The following ARHGEF2 variants were observed in gnomAD, a reference collection of about 807,000 sequenced individuals.
The protein encoded by ARHGEF2 is Rho/Rac guanine nucleotide exchange factor 2.
A neutral mutation model predicts 121.0 loss-of-function variants in ARHGEF2; 22 were observed. The observed-to-expected ratio is 0.18, with a 90% CI of 0.13 to 0.26. ARHGEF2 has a LOEUF of 0.26. ARHGEF2 is among the 10% of genes least tolerant of loss of function. ARHGEF2 has a pLI of 1.00. For synonymous variants in ARHGEF2, 487 were observed against 530.0 expected (o/e 0.92, Z 1.11); for missense variants, 907 against 1,336.0 (o/e 0.68, Z 5.01).
chr1:155,964,180 A>ATTTG (rs1349746641), intron 7 of ARHGEF2, among the ~76,000 whole-genome samples: 1 of 101,578 alleles, frequency 9.8e-6, no homozygotes, highest in Non-Finnish European at 1.8e-5. Context: ...ATATATATAT[A>ATTTG]TATATATATA....
At position 155,950,608 on chromosome 1, in the gene ARHGEF2, C is replaced by A; in HGVS notation, c.2704-126G>T. On this transcript the variant is annotated intron_variant, in intron 20 of 21. Transcript: ENST00000361247. This position sits in a 1 kb window ranked among gnomAD's most constrained non-coding sequence, Gnocchi z 5.2. ...CACCCATGAGTCCCCTTCAGGAGATCCACCACCAACTGGCCTCTTTCAGCA... is the reference window on the plus strand; with the variant it reads ...CACCCATGAGTCCCCTTCAGGAGATACACCACCAACTGGCCTCTTTCAGCA... The A allele has an allele frequency of 1.9e-6, 2 of 1,063,286 alleles. No homozygotes were observed. The highest frequency in any genetic ancestry group is 3.0e-5 in the South Asian group (2 of 67,616). The allele number at this position is 1,063,286 out of a possible 1,614,324, so 65.9% of individuals were successfully genotyped here. A position where few individuals can be genotyped will look rare whatever the true frequency, so the allele number is the denominator to read the frequency against.
At position 155,960,766 on chromosome 1, in the gene ARHGEF2, C is replaced by T. The variant is rs147691236; in HGVS notation, c.1468+895G>A. ...TCAGGCAGGCTTTGGCCTCAGGTAT[C>T]ACAGTTTCCTATTGTCCCTCACATC... On this transcript the variant is annotated intron_variant, in intron 11 of 21. Coordinates refer to ENST00000361247, the MANE Select transcript of ARHGEF2 (RefSeq NM_001162383.2). Among the ~76,000 whole-genome samples, 1,217 of 152,306 alleles carry T rather than the reference C, an allele frequency of 8.0e-3. 16 individuals are homozygous for T. The highest frequency in any genetic ancestry group is 0.028 in the African/African-American group (1,163 of 41,556).
chr1:155,971,172 A>C, intron 1 of ARHGEF2: 1 of 935,848 alleles, frequency 1.1e-6, no homozygotes, highest in Non-Finnish European at 1.3e-6. Flanking sequence ...CAAACCTCTA[A>C]AATGTTCTGG....
rs769408592 is a variant in ARHGEF2 at position 155,951,126 on chromosome 1, C to T, written c.2406G>A (p.Thr802=). 4.6e-5 allele frequency: 73 copies of T among 1,604,370 alleles called. No homozygotes were observed. The highest frequency in any genetic ancestry group is 1.3e-4 in the South Asian group (12 of 90,122). The change falls in exon 20 of 22, where the codon ACG becomes ACA. Residue 802 remains threonine (T), a synonymous_variant. Transcript: ENST00000361247. The surrounding 1 kb of genome is among the most constrained non-coding windows in gnomAD (Gnocchi z 5.1). ...GTTGCCGCTGCAGTAATGCCAGTTC[C>T]GTGGCCTGCTTTTCAGGGGCCACAG... The part of the protein sequence containing the change: ...AAPVAPEKQA[T]ELALLQRQHA...
At position 155,978,356 on chromosome 1, in the gene ARHGEF2, C is replaced by G. The variant is rs768456334; in HGVS notation, c.63+9G>C. 2.0e-6 allele frequency: 3 copies of G among 1,507,356 alleles called. No homozygotes were observed. Among genetic ancestry groups the G allele is most frequent in the East Asian group, 5.2e-5 (2 of 38,464 alleles). The allele number at this position is 1,507,356 out of a possible 1,614,324, so 93.4% of individuals were successfully genotyped here. On this transcript the variant is annotated intron_variant, in intron 1 of 21. Coordinates refer to ENST00000361247, the MANE Select transcript of ARHGEF2 (RefSeq NM_001162383.2). The surrounding 1 kb of genome is among the most constrained non-coding windows in gnomAD (Gnocchi z 4.1). ...ACCGCGGCGAAAGGAGAGGGGTTTCCGAGCCCACCTTGCTCGCCAGCTCTC... is the reference window on the plus strand; with the variant it reads ...ACCGCGGCGAAAGGAGAGGGGTTTCGGAGCCCACCTTGCTCGCCAGCTCTC...
chr1:155,965,244 C>T lies in ARHGEF2; in HGVS notation c.580+59G>A. Reference sequence around the variant, plus strand: ...CCTTCCAGGCTACTCCCACCAGCCTCTCATCCCCCAGCCCCTCTTCATGTT... The same window carrying T: ...CCTTCCAGGCTACTCCCACCAGCCTTTCATCCCCCAGCCCCTCTTCATGTT... On this transcript the variant is annotated intron_variant, in intron 6 of 21. Transcript: ENST00000361247. This position sits in a 1 kb window ranked among gnomAD's most constrained non-coding sequence, Gnocchi z 6.0. 1.2e-6 allele frequency: 2 copies of T among 1,607,610 alleles called. No individual in the cohort carries two copies. The highest frequency in any genetic ancestry group is 1.7e-6 in the Non-Finnish European group (2 of 1,174,298).
rs771917770 is a variant in ARHGEF2 at position 155,951,472 on chromosome 1, G to C, written c.2259+11C>G. 1.7e-5 allele frequency: 28 copies of C among 1,614,074 alleles called. No individual in the cohort carries two copies. The East Asian group carries it at 6.2e-4, about 36-fold the overall frequency. Reference sequence around the variant, plus strand: ...CCTCCCCTTCCCCATTCAAGCCCTTGTCCTACTGACCTGTAGGCCATGTAG... The same window carrying C: ...CCTCCCCTTCCCCATTCAAGCCCTTCTCCTACTGACCTGTAGGCCATGTAG... On this transcript the variant is annotated intron_variant, in intron 19 of 21. Coordinates refer to ENST00000361247, the MANE Select transcript of ARHGEF2 (RefSeq NM_001162383.2). The surrounding 1 kb of genome is among the most constrained non-coding windows in gnomAD (Gnocchi z 5.1).
At position 155,947,577 on chromosome 1, in the gene ARHGEF2, C is replaced by G. The variant is rs1674600230; in HGVS notation, c.*365G>C. On this transcript the variant is annotated 3_prime_UTR_variant, in exon 22 of 22. Transcript: ENST00000361247. ...CTGCGTGGATGAGCCTGAATATACC[C>G]CAGTAGTGTTCAAGGACAAGGCCCT... 2.7e-6 allele frequency: 1 copy of G among 373,868 alleles called. No individual in the cohort carries two copies. The highest frequency in any genetic ancestry group is 5.2e-6 in the Non-Finnish European group (1 of 191,644). The allele number at this position is 373,868 out of a possible 1,614,324, so 23.2% of individuals were successfully genotyped here. A position where few individuals can be genotyped will look rare whatever the true frequency, so the allele number is the denominator to read the frequency against.
Position 155,969,315 on chromosome 1 carries a change from A to G in ARHGEF2, c.64-15T>C. 1.2e-6 allele frequency: 2 copies of G among 1,613,470 alleles called. No individual in the cohort carries two copies. The highest frequency in any genetic ancestry group is 1.7e-6 in the Non-Finnish European group (2 of 1,179,758). On this transcript the variant is annotated splice_polypyrimidine_tract_variant and intron_variant, in intron 1 of 21. Transcript: ENST00000361247. Reference sequence around the variant, plus strand: ...TTTTCCCGGGTCTGTGGAAGGGATGAGAGGGAGAGGAAGTGAGGCTGGAAA... The same window carrying G: ...TTTTCCCGGGTCTGTGGAAGGGATGGGAGGGAGAGGAAGTGAGGCTGGAAA...
chr1:155,966,435 G>A lies in ARHGEF2; in HGVS notation c.321C>T (p.Ser107=), dbSNP rs764870354. ...ALLKNNTALQ[S]VSLRSKTTIR... is the part of the protein sequence containing the mutation. ...ACTCACTCTTACTTCGAAGAGAAACGGACTGCAAGGCGGTGTTGTTCTTCA... is the reference window on the plus strand; with the variant it reads ...ACTCACTCTTACTTCGAAGAGAAACAGACTGCAAGGCGGTGTTGTTCTTCA... The change falls in exon 4 of 22, where the codon TCC becomes TCT. Residue 107 remains serine, a synonymous_variant. Coordinates refer to ENST00000361247, the MANE Select transcript of ARHGEF2 (RefSeq NM_001162383.2). The A allele has an allele frequency of 1.9e-6, 3 of 1,614,124 alleles. No homozygotes were observed. The highest frequency in any genetic ancestry group is 1.7e-5 in the Admixed American group (1 of 60,020).
Position 155,951,551 on chromosome 1 carries a change from G to A in ARHGEF2, c.2209-18C>T. The A allele has an allele frequency of 6.2e-6, 10 of 1,614,146 alleles. No individual in the cohort carries two copies. The highest frequency in any genetic ancestry group is 7.6e-6 in the Non-Finnish European group (9 of 1,180,022). Reference sequence around the variant, plus strand: ...AACGCCTCCTGAGGACAGACAGGGTGGGAACAGGGCCCCAGCTTTAGGATG... The same window carrying A: ...AACGCCTCCTGAGGACAGACAGGGTAGGAACAGGGCCCCAGCTTTAGGATG... On this transcript the variant is annotated intron_variant, in intron 18 of 21. Coordinates refer to ENST00000361247, the MANE Select transcript of ARHGEF2 (RefSeq NM_001162383.2). The surrounding 1 kb of genome is among the most constrained non-coding windows in gnomAD (Gnocchi z 5.1).
chr1:155,955,119 C>T (rs1458505578), intron 13 of ARHGEF2, 150 bp from the exon 14 acceptor site: 3 of 614,424 alleles, frequency 4.9e-6, no homozygotes, highest in Non-Finnish European at 8.4e-6. Flanking sequence ...TAGTCCTGAC[C>T]TTCTCCCTTT....
chr1:155,948,059 C>T (rs945379305), intron 21 of ARHGEF2, 44 bp from the exon 22 acceptor site: 1 of 1,500,024 alleles, frequency 6.7e-7, no homozygotes, highest in African/African-American at 1.4e-5. Flanking sequence ...CAGAGACTCC[C>T]ATGAGGAACT....
chr1:155,966,453 G>C lies in ARHGEF2; in HGVS notation c.303C>G (p.Asn101Lys). ...GAGAAACGGACTGCAAGGCGGTGTT[G>C]TTCTTCAGCAGGGCCGCTTTCTGTT... ...QKQQKAALLK[N>K]NTALQSVSLR... is the part of the protein sequence containing the mutation. The change falls in exon 4 of 22, where the codon AAC becomes AAG. Residue 101 changes from asparagine to lysine, a missense_variant. Asn to Lys is a moderately conservative substitution (Grantham distance 94, BLOSUM62 0). Around this residue, in one of 2 missense-constraint regions of ARHGEF2, gnomAD observed 475 missense variants for 776.5 expected, o/e 0.61. Transcript: ENST00000361247. The C allele has an allele frequency of 6.2e-7, 1 of 1,614,156 alleles. No homozygotes were observed. The highest frequency in any genetic ancestry group is 1.1e-5 in the South Asian group (1 of 91,088).
rs1572041867 is a variant in ARHGEF2 at position 155,950,141 on chromosome 1, C to T, written c.2887+158G>A. On this transcript the variant is annotated intron_variant, in intron 21 of 21. Transcript: ENST00000361247. This position sits in a 1 kb window ranked among gnomAD's most constrained non-coding sequence, Gnocchi z 5.2. ...AGAGAGGCCCCTCCTGCTTCCTAGACTTCCACCACCCATTCATCATCAGAC... is the reference window on the plus strand; with the variant it reads ...AGAGAGGCCCCTCCTGCTTCCTAGATTTCCACCACCCATTCATCATCAGAC... 1.1e-6 allele frequency: 1 copy of T among 881,240 alleles called. No individual in the cohort carries two copies. The highest frequency in any genetic ancestry group is 1.7e-5 in the South Asian group (1 of 60,054). The allele number at this position is 881,240 out of a possible 1,614,324, so 54.6% of individuals were successfully genotyped here.
At chr1:155,954,391 C>T (rs1199972163) in intron 14 of ARHGEF2, among the ~76,000 whole-genome samples, 1 of 144,002 alleles carries the variant, frequency 6.9e-6, no homozygotes, top group Non-Finnish European at 1.5e-5. Flanking sequence ...TCATGCCATT[C>T]TCCTACCTCA....
At chr1:155,963,205 T>C (rs138528286) in intron 7 of ARHGEF2, 22 bp from the exon 8 acceptor site, 4 of 1,600,196 alleles carry the variant, frequency 2.5e-6, no homozygotes, top group Admixed American at 1.7e-5. Context: ...ATTGGGACAT[T>C]TGGCCTCTAC....
At chr1:155,977,923 A>C in intron 1 of ARHGEF2, 1 of 245,228 alleles carries the variant, frequency 4.1e-6, no homozygotes, top group Non-Finnish European at 6.6e-6. Flanking sequence ...CAAAGGGGGA[A>C]CGACCAAGCC....
At position 155,978,291 on chromosome 1, in the gene ARHGEF2, A is replaced by G; in HGVS notation, c.63+74T>C. The G allele has an allele frequency of 7.5e-7, 1 of 1,337,590 alleles. No individual in the cohort carries two copies. Among genetic ancestry groups the G allele is most frequent in the African/African-American group, 1.5e-5 (1 of 65,846 alleles). 82.9% of individuals were successfully genotyped at this position (1,337,590 alleles called of 1,614,324 possible). ...CCCAGAAAGCAGGCGGGGAGACAGG[A>G]GATGCACCGCGGGTGCCGGGGTTCG... On this transcript the variant is annotated intron_variant, in intron 1 of 21. Transcript: ENST00000361247. This position sits in a 1 kb window ranked among gnomAD's most constrained non-coding sequence, Gnocchi z 4.1.
Sources: allele counts gnomAD v4.1 joint callset (sites outside exome capture counted in the v4.1 genomes callset), GRCh38; gene constraint gnomAD v4.1.1; regional missense constraint gnomAD v4.1.1; non-coding constraint Gnocchi (gnomAD v3.1); transcripts MANE v1.5; gene names NCBI Gene and HGNC (gene_info 2026-07-23, HGNC 2026-07-21).